TBX19: variants seen among roughly 807,000 people sequenced by gnomAD.
TBX19 encodes T-box transcription factor 19, also known as T-box transcription factor TBX19.
TBX19 carries 33 observed loss-of-function variants against 40.9 expected under a neutral mutation model. That is an observed-to-expected ratio of 0.81 (90% confidence interval 0.61 to 1.08). The LOEUF (loss-of-function observed/expected upper bound fraction) is 1.08, where lower values mean the gene tolerates loss of function less well. Ranked by LOEUF, TBX19 falls within the 50% of genes least tolerant of loss-of-function variation. The pLI is 0.00. For synonymous variants in TBX19, 220 were observed against 225.0 expected (o/e 0.98, Z 0.20); for missense variants, 494 against 574.0 (o/e 0.86, Z 1.42).
intron 2 of TBX19, among the ~76,000 whole-genome samples, chr1:168,292,146 C>A (rs1007080086): frequency 6.6e-6 from 1 of 152,194 alleles, no homozygotes. Flanking sequence ...GGCTTTCCCT[C>A]AGCCTCCCAC....
At chr1:168,292,512 G>A (rs1245614271) in intron 2 of TBX19, among the ~76,000 whole-genome samples, 1 of 152,192 alleles carries the variant, frequency 6.6e-6, no homozygotes, top group African/African-American at 2.4e-5. Context: ...CTGTTGTGCT[G>A]AAAATAGGGG....
chr1:168,311,173 A>C lies in TBX19; in HGVS notation c.1053-1535A>C, dbSNP rs1649512000. 2.0e-5 allele frequency among the ~76,000 whole-genome samples: 3 copies of C among 152,002 alleles called. No homozygotes were observed. The South Asian group carries it at 6.2e-4, about 31-fold the overall frequency. On this transcript the variant is annotated intron_variant, in intron 7 of 7. Transcript: ENST00000367821. ...AGAGAGTGAAGATGAGGTTCCCTGAAGATATTAAACAATCATGTGCCAAGT... is the reference window on the plus strand; with the variant it reads ...AGAGAGTGAAGATGAGGTTCCCTGACGATATTAAACAATCATGTGCCAAGT...
At chr1:168,306,403 G>A (rs1036817695) in intron 6 of TBX19, among the ~76,000 whole-genome samples, 4 of 152,018 alleles carry the variant, frequency 2.6e-5, no homozygotes, top group African/African-American at 4.8e-5. Flanking sequence ...TGAGGCGGGC[G>A]GATCACAAGA....
intron 1 of TBX19, 62 bp from the exon 2 acceptor site, chr1:168,291,098 T>C (rs1327543078): frequency 6.2e-7 from 1 of 1,611,910 alleles, no homozygotes; most frequent in Non-Finnish European, 8.5e-7. Context: ...GAGAGGCCCC[T>C]GGACAAGGTG....
In TBX19 at chr1:168,280,975, C is replaced by A; in HGVS notation, c.-116C>A. 1 of 978,700 alleles carries A rather than the reference C, an allele frequency of 1.0e-6. No homozygotes were observed. The highest frequency in any genetic ancestry group is 1.6e-6 in the Non-Finnish European group (1 of 630,782). 60.6% of individuals were successfully genotyped at this position (978,700 alleles called of 1,614,324 possible). On this transcript the variant is annotated 5_prime_UTR_variant, in exon 1 of 8. Coordinates refer to ENST00000367821, the MANE Select transcript of TBX19 (RefSeq NM_005149.3). ...GCTTAGGCAAGAGCCAGGGTATCTT[C>A]TCTCCGCTCCCCAAGCACTGTTCAA...
chr1:168,291,558 C>T lies in TBX19; in HGVS notation c.468+134C>T, dbSNP rs753698811. ...TTCTCCCACAGAAGCCAATTATTCC[C>T]GGGAGTCCAAATGTAAACAAGAATA... On this transcript the variant is annotated intron_variant, in intron 2 of 7. Transcript: ENST00000367821. 51 of 1,265,910 alleles carry T rather than the reference C, an allele frequency of 4.0e-5. No homozygotes were observed. The Middle Eastern group carries it at 3.0e-3, about 73-fold the overall frequency. 78.4% of individuals were successfully genotyped at this position (1,265,910 alleles called of 1,614,324 possible). A position where few individuals can be genotyped will look rare whatever the true frequency, so the allele number is the denominator to read the frequency against.
intron 7 of TBX19, among the ~76,000 whole-genome samples, chr1:168,311,837 G>C (rs1410958511): frequency 6.6e-6 from 1 of 152,088 alleles, no homozygotes; most frequent in African/African-American, 2.4e-5. Context: ...AGTCACCTGG[G>C]AAACTTAAAA....
chr1:168,313,920 AAAAG>A lies in TBX19; in HGVS notation c.*942_*945del, dbSNP rs67726248. ...ATCAAGGCTTTGTTTCATTTGAAAAAAAAGAAAGAAAGAAAGAAAGAAAGAAATC... is the reference window on the plus strand; with the variant it reads ...ATCAAGGCTTTGTTTCATTTGAAAAAAAAGAAAGAAAGAAAGAAAGAAATC... On this transcript the variant is annotated 3_prime_UTR_variant, in exon 8 of 8. Transcript: ENST00000367821. 66,662 of 150,594 alleles carry A rather than the reference AAAAG, an allele frequency of 0.44. 14,907 individuals are homozygous for A. The highest frequency in any genetic ancestry group is 0.53 in the Middle Eastern group (155 of 290). The allele number at this position is 150,594 out of a possible 1,614,324, so 9.3% of individuals were successfully genotyped here. A position where few individuals can be genotyped will look rare whatever the true frequency, so the allele number is the denominator to read the frequency against.
At chr1:168,286,125 C>A (rs1648800571) in intron 1 of TBX19, among the ~76,000 whole-genome samples, 1 of 152,170 alleles carries the variant, frequency 6.6e-6, no homozygotes, top group Non-Finnish European at 1.5e-5. Context: ...TTATAAAGTT[C>A]TTGGCAAATG....
chr1:168,289,448 A>G (rs1445599720), intron 1 of TBX19, among the ~76,000 whole-genome samples: 3 of 152,336 alleles, frequency 2.0e-5, no homozygotes, highest in African/African-American at 7.2e-5. Context: ...ATTTTAGTTA[A>G]TGTAAAAGTG....
intron 4 of TBX19, among the ~76,000 whole-genome samples, chr1:168,299,016 C>T (rs1451137570): frequency 2.7e-5 from 4 of 149,056 alleles, no homozygotes; most frequent in Admixed American, 6.8e-5. Flanking sequence ...TGGGTGCAAG[C>T]GATTCTCATG....
rs565181296 is a variant in TBX19, at chr1:168,285,656, G to T, written c.203+4363G>T. Reference sequence around the variant, plus strand: ...CACATTTTCCTCTCTTTCTCTCCAAGGAGGCTTTCTCTCCAGGGTGGATTA... The same window carrying T: ...CACATTTTCCTCTCTTTCTCTCCAATGAGGCTTTCTCTCCAGGGTGGATTA... On this transcript the variant is annotated intron_variant, in intron 1 of 7. Transcript: ENST00000367821. 5.9e-5 allele frequency among the ~76,000 whole-genome samples: 9 copies of T among 152,316 alleles called. No individual in the cohort carries two copies. The East Asian group carries it at 1.5e-3, about 26-fold the overall frequency.
At chr1:168,287,554 C>T (rs1215791625) in intron 1 of TBX19, among the ~76,000 whole-genome samples, 1 of 152,148 alleles carries the variant, frequency 6.6e-6, no homozygotes, top group Non-Finnish European at 1.5e-5. Flanking sequence ...CCATCTTGGC[C>T]TCTCAAAGTG....
At chr1:168,300,075 A>G (rs1408143225) in intron 4 of TBX19, among the ~76,000 whole-genome samples, 1 of 152,194 alleles carries the variant, frequency 6.6e-6, no homozygotes, top group African/African-American at 2.4e-5. Flanking sequence ...TGGTGGATCT[A>G]GCATATCACA....
intron 7 of TBX19, among the ~76,000 whole-genome samples, chr1:168,310,519 A>T (rs1161674502): frequency 6.6e-6 from 1 of 152,016 alleles, no homozygotes; most frequent in Non-Finnish European, 1.5e-5. Flanking sequence ...ACAAGGGTGT[A>T]GAGCTGTGCT....
intron 3 of TBX19, chr1:168,297,487 C>T: frequency 1.7e-6 from 1 of 588,346 alleles, no homozygotes. Context: ...TCACCACATG[C>T]AATGATAAAA....
At chr1:168,289,873 C>G (rs1230279027) in intron 1 of TBX19, among the ~76,000 whole-genome samples, 1 of 152,200 alleles carries the variant, frequency 6.6e-6, no homozygotes, top group Non-Finnish European at 1.5e-5. Flanking sequence ...GAAACTACTT[C>G]TCTGTGCTGT....
chr1:168,296,811 T>G (rs1649117443), intron 3 of TBX19, among the ~76,000 whole-genome samples: 1 of 152,044 alleles, frequency 6.6e-6, no homozygotes, highest in African/African-American at 2.4e-5. Flanking sequence ...GTGGCAGAGG[T>G]TGAAGTGAGC....
At chr1:168,307,342 T>A (rs184229780) in intron 6 of TBX19, among the ~76,000 whole-genome samples, 42 of 152,210 alleles carry the variant, frequency 2.8e-4, no homozygotes, top group African/African-American at 9.9e-4. Flanking sequence ...TGGTAAGGGT[T>A]TTTTGGCTGT....
Sources: gnomAD v4.1 joint callset for allele counts (sites outside exome capture counted in the v4.1 genomes callset) on GRCh38, gnomAD v4.1.1 for gene constraint, MANE v1.5 for transcripts, NCBI Gene and HGNC (gene_info 2026-07-23, HGNC 2026-07-21) for gene names.